PADI4: variants seen among roughly 807,000 people sequenced by gnomAD.
The protein encoded by PADI4 is peptidyl arginine deiminase 4.
Under a neutral mutation model 75.0 loss-of-function variants are expected in PADI4, and 62 were observed. The observed-to-expected ratio is 0.83, with a 90% CI of 0.67 to 1.02. PADI4 has a LOEUF of 1.02. Ranked by LOEUF, PADI4 falls within the 50% of genes least tolerant of loss-of-function variation. The pLI is 0.00. For synonymous variants in PADI4, 361 were observed against 348.1 expected, an observed-to-expected ratio of 1.04 and a Z score of -0.41; for missense variants, 845 against 850.5, an observed-to-expected ratio of 0.99 and a Z score of 0.08.
chr1:17,313,225 C>T (rs1228100734), intron 1 of PADI4, among the ~76,000 whole-genome samples: 1 of 151,534 alleles, frequency 6.6e-6, no homozygotes, highest in Non-Finnish European at 1.5e-5. Flanking sequence ...TGGGGCCAGG[C>T]GTGGTAGCTC....
rs1430359208 is a variant in PADI4, at chr1:17,347,939, A to G, written c.1048-2A>G. On this transcript the variant is annotated splice_acceptor_variant, in intron 9 of 15. Coordinates refer to ENST00000375448, the MANE Select transcript of PADI4 (RefSeq NM_012387.3). LOFTEE classifies it high-confidence loss of function. The stretch of plus-strand genomic sequence containing the variant: ...CAGCCTCCTCTCCACTCACTCCCAC[A>G]GGATGAAATGGAGATCGGCTACATC... 4.5e-6 allele frequency: 7 copies of G among 1,558,540 alleles called. No homozygotes were observed. Among genetic ancestry groups the G allele is most frequent in the Non-Finnish European group, 6.1e-6 (7 of 1,143,830 alleles).
chr1:17,312,432 C>A (rs1487036021), intron 1 of PADI4, among the ~76,000 whole-genome samples: 2 of 134,106 alleles, frequency 1.5e-5, no homozygotes, highest in Non-Finnish European at 3.1e-5. Flanking sequence ...TGCACTCCAA[C>A]CTGGGCAATA....
rs556668730 is a variant in PADI4, at chr1:17,362,451, C to T, written c.1759-1071C>T. On this transcript the variant is annotated intron_variant, in intron 15 of 15. Coordinates refer to ENST00000375448, the MANE Select transcript of PADI4 (RefSeq NM_012387.3). ...GTGAACTAAAACAGAAAATCAAATA[C>T]TGCATGTTCTCACGTATAGGTAGAA... 2.0e-5 allele frequency among the ~76,000 whole-genome samples: 3 copies of T among 151,434 alleles called. No individual in the cohort carries two copies. The South Asian group carries it at 6.3e-4, about 32-fold the overall frequency.
At chr1:17,329,669 G>A (rs916224383) in intron 1 of PADI4, among the ~76,000 whole-genome samples, 4 of 152,084 alleles carry the variant, frequency 2.6e-5, no homozygotes, top group Non-Finnish European at 5.9e-5. Context: ...GTGGACTCAC[G>A]CAGTTCAAAC....
intron 1 of PADI4, among the ~76,000 whole-genome samples, chr1:17,310,211 T>C (rs2073794907): frequency 6.6e-6 from 1 of 152,030 alleles, no homozygotes; most frequent in Non-Finnish European, 1.5e-5. Context: ...AATGTTGTTA[T>C]TCCCATTTTA....
intron 1 of PADI4, among the ~76,000 whole-genome samples, chr1:17,309,731 T>C (rs1294502300): frequency 6.6e-6 from 1 of 152,144 alleles, no homozygotes; most frequent in Non-Finnish European, 1.5e-5. Flanking sequence ...CAGCAGGAAA[T>C]GTCGGGATGG....
At chr1:17,351,217 A>T (rs2074613094) in intron 10 of PADI4, among the ~76,000 whole-genome samples, 1 of 150,962 alleles carries the variant, frequency 6.6e-6, no homozygotes, top group Non-Finnish European at 1.5e-5. Context: ...AAAAAAAAAA[A>T]AAAGAGCTAC....
chr1:17,335,961 C>T (rs2074301620), intron 3 of PADI4, among the ~76,000 whole-genome samples, 198 bp from the exon 4 acceptor site: 1 of 152,352 alleles, frequency 6.6e-6, no homozygotes, highest in Admixed American at 6.5e-5. Flanking sequence ...GCTCTGCTGT[C>T]CGAACTGTAG....
intron 1 of PADI4, among the ~76,000 whole-genome samples, chr1:17,308,557 T>C (rs2073716576): frequency 1.3e-5 from 2 of 152,124 alleles, no homozygotes; most frequent in Admixed American, 1.3e-4. Flanking sequence ...TAAATTATTA[T>C]GGGGCAAACC....
intron 3 of PADI4, chr1:17,334,388 C>T (rs1356248989): frequency 2.8e-5 from 13 of 459,552 alleles, no homozygotes; most frequent in African/African-American, 8.1e-5. Flanking sequence ...CTGCAACCTG[C>T]GTCTCCCAGG....
intron 10 of PADI4, chr1:17,348,343 C>G (rs931871999): frequency 2.8e-5 from 7 of 252,206 alleles, no homozygotes; most frequent in Admixed American, 5.2e-5. Flanking sequence ...CTTGAAGAAG[C>G]TCTTGCTGCA....
At chr1:17,348,074 C>T (rs758293054) in intron 10 of PADI4, 26 bp downstream of exon 10, 9 of 1,421,792 alleles carry the variant, frequency 6.3e-6, no homozygotes, top group African/African-American at 1.4e-5. Flanking sequence ...GGGGAGGGGG[C>T]ACAGCTGCCG....
chr1:17,359,463 C>G lies in PADI4; in HGVS notation c.1758+55C>G, dbSNP rs144090340. Reference sequence around the variant, plus strand: ...GGTGTGGCATGGAGGTAGCTCAGCCCGAGAGGCCAGTGGGGCACCCGGGCG... The same window carrying G: ...GGTGTGGCATGGAGGTAGCTCAGCCGGAGAGGCCAGTGGGGCACCCGGGCG... On this transcript the variant is annotated intron_variant, in intron 15 of 15. Transcript: ENST00000375448. 22 of 1,609,754 alleles carry G rather than the reference C, an allele frequency of 1.4e-5. No individual in the cohort carries two copies. In the Middle Eastern group the frequency reaches 2.0e-3, roughly 146 times the overall value.
At position 17,356,790 on chromosome 1, in the gene PADI4, G is replaced by A. The variant is rs1259219388; in HGVS notation, c.1558+331G>A. Among the ~76,000 whole-genome samples, 1 of 151,638 alleles carries A rather than the reference G, an allele frequency of 6.6e-6. No homozygotes were observed. Among genetic ancestry groups the A allele is most frequent in the Non-Finnish European group, 1.5e-5 (1 of 67,896 alleles). On this transcript the variant is annotated intron_variant, in intron 13 of 15. Coordinates refer to ENST00000375448, the MANE Select transcript of PADI4 (RefSeq NM_012387.3). This position sits in a 1 kb window ranked among gnomAD's most constrained non-coding sequence, Gnocchi z 4.1. ...AGTAGGGGTTGGCTGGGCAAACGGG[G>A]CAGGGAAATGAGAGGAAGAGAGATA...
At chr1:17,332,336 T>A (rs1044534937) in intron 2 of PADI4, among the ~76,000 whole-genome samples, 3 of 152,168 alleles carry the variant, frequency 2.0e-5, no homozygotes, top group African/African-American at 7.2e-5. Flanking sequence ...AACCTCCGCC[T>A]CCTGGGTTCA....
chr1:17,357,228 C>T (rs746260165), intron 13 of PADI4, among the ~76,000 whole-genome samples: 4 of 152,122 alleles, frequency 2.6e-5, no homozygotes, highest in Non-Finnish European at 4.4e-5. Flanking sequence ...AGTGCAATGG[C>T]GCGATCTCGA....
chr1:17,344,631 C>G (rs1361648096), intron 8 of PADI4, among the ~76,000 whole-genome samples: 1 of 152,204 alleles, frequency 6.6e-6, no homozygotes, highest in Non-Finnish European at 1.5e-5. Context: ...CCAGCCATGG[C>G]TAAAAGGGGC....
intron 8 of PADI4, among the ~76,000 whole-genome samples, chr1:17,343,978 T>C (rs1337222935): frequency 6.6e-6 from 1 of 151,756 alleles, no homozygotes; most frequent in Non-Finnish European, 1.5e-5. Flanking sequence ...CAGACAGAGG[T>C]TGGAACGGTT....
chr1:17,324,916 G>A (rs181035858), intron 1 of PADI4, among the ~76,000 whole-genome samples: 1 of 152,288 alleles, frequency 6.6e-6, no homozygotes, highest in East Asian at 1.9e-4. Flanking sequence ...CCATCTGCAA[G>A]CCTATTTCTG....
Sources: allele counts gnomAD v4.1 joint callset (sites outside exome capture counted in the v4.1 genomes callset), GRCh38; gene constraint gnomAD v4.1.1; non-coding constraint Gnocchi (gnomAD v3.1); transcripts MANE v1.5; gene names NCBI Gene and HGNC (gene_info 2026-07-23, HGNC 2026-07-21).